The following ANKFN1 variants were observed in gnomAD, a reference collection of about 807,000 sequenced individuals.
The protein encoded by ANKFN1 is ankyrin repeat and fibronectin type-III domain-containing protein 1.
Under a neutral mutation model 108.7 loss-of-function variants are expected in ANKFN1, and 74 were observed. The ratio of observed to expected loss-of-function variants is 0.68; its 90% CI spans 0.56 to 0.83. ANKFN1 has a LOEUF of 0.83. Ranked by LOEUF, ANKFN1 falls within the 40% of genes least tolerant of loss-of-function variation. The probability of loss-of-function intolerance (pLI) is 0.00; values close to 1 mark genes in which losing one functional copy is unlikely to be tolerated. For missense variants in ANKFN1, 1,505 were observed against 1,382.3 expected, an observed-to-expected ratio of 1.09 and a Z score of -1.41; for synonymous variants, 547 against 516.2, an observed-to-expected ratio of 1.06 and a Z score of -0.81.
intron 4 of ANKFN1, among the ~76,000 whole-genome samples, chr17:56,134,482 T>A (rs1186414520): frequency 6.6e-6 from 1 of 151,546 alleles, no homozygotes; most frequent in Non-Finnish European, 1.5e-5. Context: ...CCACCAAGAG[T>A]AACCTCAAAA....
chr17:56,385,731 C>T (rs904484924), intron 8 of ANKFN1, among the ~76,000 whole-genome samples: 46 of 152,326 alleles, frequency 3.0e-4, no homozygotes, highest in African/African-American at 1.0e-3. Flanking sequence ...TGCTCACCAT[C>T]ACTGGCCATC....
chr17:56,120,379 A>G (rs1370035483), intron 4 of ANKFN1, among the ~76,000 whole-genome samples: 1 of 152,092 alleles, frequency 6.6e-6, no homozygotes, highest in Non-Finnish European at 1.5e-5. Context: ...TTCTCCCTAG[A>G]GTTGACCTTG....
intron 4 of ANKFN1, among the ~76,000 whole-genome samples, chr17:56,066,538 T>C (rs753676451): frequency 2.0e-5 from 3 of 152,210 alleles, no homozygotes; most frequent in Non-Finnish European, 4.4e-5. Context: ...AGATAAAATA[T>C]ATTATTAAAA....
chr17:56,214,847 A>C (rs1228636232), intron 2 of ANKFN1, among the ~76,000 whole-genome samples: 1 of 152,224 alleles, frequency 6.6e-6, no homozygotes. Flanking sequence ...CTCTGTGGAA[A>C]AAAATGGGCT....
At chr17:56,448,392 G>A (rs924077009) in intron 10 of ANKFN1, among the ~76,000 whole-genome samples, 8 of 151,974 alleles carry the variant, frequency 5.3e-5, no homozygotes, top group Non-Finnish European at 2.9e-5. Flanking sequence ...GAAAATAGAA[G>A]GGGGAGAAAA....
chr17:56,148,160 C>A (rs187909634), intron 4 of ANKFN1, among the ~76,000 whole-genome samples: 1 of 152,210 alleles, frequency 6.6e-6, no homozygotes, highest in Admixed American at 6.5e-5. Flanking sequence ...TGAGAGGGTG[C>A]AGAGTAAAGT....
chr17:56,454,714 G>A (rs1343357147), intron 11 of ANKFN1, among the ~76,000 whole-genome samples: 1 of 152,144 alleles, frequency 6.6e-6, no homozygotes, highest in Non-Finnish European at 1.5e-5. Context: ...GTCCTGCTTG[G>A]AAGGTATAAG....
chr17:56,419,247 C>T lies in ANKFN1; in HGVS notation c.911-21080C>T, dbSNP rs568372733. Among the ~76,000 whole-genome samples the T allele has an allele frequency of 5.3e-5, 8 of 152,126 alleles. No homozygotes were observed. In the East Asian group the frequency reaches 1.2e-3, roughly 22 times the overall value. Reference sequence around the variant, plus strand: ...CTGTAATCCCAGCACTTTGGGAGGCCGAGGCGGGCAGATCACCTGTGGTCT... The same window carrying T: ...CTGTAATCCCAGCACTTTGGGAGGCTGAGGCGGGCAGATCACCTGTGGTCT... On this transcript the variant is annotated intron_variant, in intron 8 of 20. Transcript: ENST00000682825.
At chr17:56,495,048 CA>C (rs2051156089) in intron 19 of ANKFN1, among the ~76,000 whole-genome samples, 2 of 152,152 alleles carry the variant, frequency 1.3e-5, no homozygotes, top group African/African-American at 2.4e-5. Context: ...GGGAATTCTT[CA>C]AAGTTCTAGC....
intron 4 of ANKFN1, among the ~76,000 whole-genome samples, chr17:56,078,300 C>CT (rs1905204441): frequency 6.6e-6 from 1 of 152,312 alleles, no homozygotes; most frequent in African/African-American, 2.4e-5. Flanking sequence ...GCCCTGGTCA[C>CT]CTTGGGTTCT....
At chr17:56,094,009 T>A (rs35553420) in intron 4 of ANKFN1, among the ~76,000 whole-genome samples, 10 of 150,938 alleles carry the variant, frequency 6.6e-5, no homozygotes, top group African/African-American at 2.2e-4. Context: ...AAGGAGAAAT[T>A]TGGACAGGTA....
chr17:56,081,762 G>A (rs577385224), intron 4 of ANKFN1, among the ~76,000 whole-genome samples: 1 of 152,260 alleles, frequency 6.6e-6, no homozygotes, highest in African/African-American at 2.4e-5. Flanking sequence ...CTAGCATTTA[G>A]GAGGTAAGCA....
intron 4 of ANKFN1, among the ~76,000 whole-genome samples, chr17:56,097,698 C>T (rs886080676): frequency 2.6e-5 from 4 of 152,142 alleles, no homozygotes; most frequent in African/African-American, 9.7e-5. Context: ...TCCTTTCCAG[C>T]CTACATGATC....
chr17:56,209,569 T>A (rs1043062852), intron 1 of ANKFN1, among the ~76,000 whole-genome samples: 37 of 152,232 alleles, frequency 2.4e-4, no homozygotes, highest in Admixed American at 1.2e-3. Context: ...TTAACCATTA[T>A]CTGAAACAGA....
intron 17 of ANKFN1, 70 bp downstream of exon 17, chr17:56,480,888 G>GGTGT (rs749625590): frequency 0.029 from 39,342 of 1,333,872 alleles, 510 homozygotes; most frequent in African/African-American, 0.083. Context: ...CATTAAGTGG[G>GGTGT]GTGTGTGTGT....
chr17:56,438,435 G>A (rs2048993360), intron 8 of ANKFN1, among the ~76,000 whole-genome samples: 1 of 152,174 alleles, frequency 6.6e-6, no homozygotes, highest in South Asian at 2.1e-4. Flanking sequence ...GACCAGATAA[G>A]AAGGTCCTTG....
chr17:56,229,804 A>T (rs893530475), intron 3 of ANKFN1, among the ~76,000 whole-genome samples: 24 of 151,126 alleles, frequency 1.6e-4, no homozygotes, highest in African/African-American at 5.3e-4. Context: ...CTATTTCATT[A>T]GTAAACATTT....
rs906020940 is a variant in ANKFN1 at position 56,514,942 on chromosome 17, T to C, written c.*3673T>C. Among the ~76,000 whole-genome samples the C allele has an allele frequency of 6.6e-6, 1 of 152,154 alleles. No homozygotes were observed. The highest frequency in any genetic ancestry group is 2.4e-5 in the African/African-American group (1 of 41,446). On this transcript the variant is annotated 3_prime_UTR_variant, in exon 21 of 21. Coordinates refer to ENST00000682825, the MANE Select transcript of ANKFN1 (RefSeq NM_001370326.1). ...ACACAAATGTGCGCCCTGGTGAGTT[T>C]GGAGCTCTTCCCTTGAAGATAACTC...
chr17:56,259,813 C>T (rs1190176075), intron 3 of ANKFN1, among the ~76,000 whole-genome samples: 22 of 151,870 alleles, frequency 1.4e-4, no homozygotes, highest in Admixed American at 1.4e-3. Context: ...AGTAAATTCT[C>T]TTCTGTTTTC....
Sources: gnomAD v4.1 joint callset for allele counts (sites outside exome capture counted in the v4.1 genomes callset) on GRCh38, gnomAD v4.1.1 for gene constraint, MANE v1.5 for transcripts, NCBI Gene and HGNC (gene_info 2026-07-23, HGNC 2026-07-21) for gene names.